The following FOXC1 variants were observed in gnomAD, a reference collection of about 807,000 sequenced individuals.
FOXC1 encodes forkhead box protein C1.
A neutral mutation model predicts 8.1 loss-of-function variants in FOXC1; 5 were observed. That is an observed-to-expected ratio of 0.62 (90% CI 0.32 to 1.30). The LOEUF (loss-of-function observed/expected upper bound fraction) is 1.30. FOXC1 is among the 50% of genes most tolerant of loss of function. The pLI, the probability that FOXC1 is intolerant of heterozygous loss-of-function variation, is 0.05. For synonymous variants in FOXC1, 552 were observed against 417.2 expected (o/e 1.32, Z -3.94); for missense variants, 942 against 858.0 (o/e 1.10, Z -1.22).
At position 1,611,385 on chromosome 6, in the gene FOXC1, A is replaced by G; in HGVS notation, c.940A>G (p.Met314Val). Residue 314 changes from methionine (M) to valine (V), a missense_variant, in exon 1 of 1, where the codon ATG becomes GTG. By Grantham distance (21) the Met-to-Val change is conservative. Coordinates refer to ENST00000645831, the MANE Select transcript of FOXC1 (RefSeq NM_001453.3). This position sits in a 1 kb window ranked among gnomAD's most constrained non-coding sequence, Gnocchi z 7.1. Reference protein sequence around the residue: ...HSQGFSVDNIMTSLRGSPQSA... With the variant: ...HSQGFSVDNIVTSLRGSPQSA... Reference sequence around the variant, plus strand: ...CCAGGGCTTCAGCGTGGACAACATCATGACGTCGCTGCGGGGGTCGCCGCA... The same window carrying G: ...CCAGGGCTTCAGCGTGGACAACATCGTGACGTCGCTGCGGGGGTCGCCGCA... 3.4e-6 allele frequency: 5 copies of G among 1,450,388 alleles called. No individual in the cohort carries two copies. The highest frequency in any genetic ancestry group is 4.5e-6 in the Non-Finnish European group (5 of 1,103,512). 89.8% of individuals were successfully genotyped at this position (1,450,388 alleles called of 1,614,324 possible). A position where few individuals can be genotyped will look rare whatever the true frequency, so the allele number is the denominator to read the frequency against.
rs757677458 is a variant in FOXC1, at chr6:1,612,483, C to T, written c.*376C>T. On this transcript the variant is annotated 3_prime_UTR_variant, in exon 1 of 1. Transcript: ENST00000645831. ...CCCTCCTCCCGTCTCCCCTCTCTTG[C>T]CTTCTTCCTTGCCTCTCACCTGTAA... 7.3e-6 allele frequency: 3 copies of T among 410,582 alleles called. No individual in the cohort carries two copies. The highest frequency in any genetic ancestry group is 1.4e-5 in the Non-Finnish European group (3 of 217,316). The allele number at this position is 410,582 out of a possible 1,614,324, so 25.4% of individuals were successfully genotyped here.
At position 1,612,445 on chromosome 6, in the gene FOXC1, G is replaced by C; in HGVS notation, c.*338G>C. 2.2e-6 allele frequency: 1 copy of C among 462,866 alleles called. No individual in the cohort carries two copies. Among genetic ancestry groups the C allele is most frequent in the Non-Finnish European group, 4.0e-6 (1 of 248,658 alleles). The allele number at this position is 462,866 out of a possible 1,614,324, so 28.7% of individuals were successfully genotyped here. A position where few individuals can be genotyped will look rare whatever the true frequency, so the allele number is the denominator to read the frequency against. Reference sequence around the variant, plus strand: ...CACGTAAGTTTCTTCTTGCTTTTCAGAGACCTGCTTTCCCCTCCTCCCGTC... The same window carrying C: ...CACGTAAGTTTCTTCTTGCTTTTCACAGACCTGCTTTCCCCTCCTCCCGTC... On this transcript the variant is annotated 3_prime_UTR_variant, in exon 1 of 1. Coordinates refer to ENST00000645831, the MANE Select transcript of FOXC1 (RefSeq NM_001453.3).
At position 1,612,250 on chromosome 6, in the gene FOXC1, C is replaced by G; in HGVS notation, c.*143C>G. Reference sequence around the variant, plus strand: ...TCACCACACCAGCGAACAGAATATCCCTCCAAAAATTCAGCTCACCAGCAC... The same window carrying G: ...TCACCACACCAGCGAACAGAATATCGCTCCAAAAATTCAGCTCACCAGCAC... On this transcript the variant is annotated 3_prime_UTR_variant, in exon 1 of 1. Transcript: ENST00000645831. 2.3e-6 allele frequency: 3 copies of G among 1,331,238 alleles called. No individual in the cohort carries two copies. Among genetic ancestry groups the G allele is most frequent in the Non-Finnish European group, 3.1e-6 (3 of 969,908 alleles). 82.5% of individuals were successfully genotyped at this position (1,331,238 alleles called of 1,614,324 possible).
chr6:1,613,482 C>G lies in FOXC1; in HGVS notation c.*1375C>G, dbSNP rs1284790010. ...TATTTTAGAAAATATGTTTGTAGAA[C>G]AATTATTTTTGAAAAAGATTTAAAG... On this transcript the variant is annotated 3_prime_UTR_variant, in exon 1 of 1. Transcript: ENST00000645831. The G allele has an allele frequency of 1.3e-5, 3 of 230,086 alleles. No individual in the cohort carries two copies. Among genetic ancestry groups the G allele is most frequent in the Non-Finnish European group, 2.8e-5 (3 of 107,272 alleles). The allele number at this position is 230,086 out of a possible 1,614,324, so 14.3% of individuals were successfully genotyped here. A position where few individuals can be genotyped will look rare whatever the true frequency, so the allele number is the denominator to read the frequency against.
At position 1,611,356 on chromosome 6, in the gene FOXC1, A is replaced by G; in HGVS notation, c.911A>G (p.His304Arg). The G allele has an allele frequency of 2.1e-6, 3 of 1,434,848 alleles. No homozygotes were observed. Among genetic ancestry groups the G allele is most frequent in the Non-Finnish European group, 2.7e-6 (3 of 1,094,034 alleles). 88.9% of individuals were successfully genotyped at this position (1,434,848 alleles called of 1,614,324 possible). ...GCGCCCTCCGCCCCGCCGCCGCACC[A>G]TAGCCAGGGCTTCAGCGTGGACAAC... ...PPAPSAPPPH[H>R]SQGFSVDNIM... Residue 304 changes from histidine to arginine, a missense_variant, in exon 1 of 1, where the codon CAT becomes CGT. Coordinates refer to ENST00000645831, the MANE Select transcript of FOXC1 (RefSeq NM_001453.3). The surrounding 1 kb of genome is among the most constrained non-coding windows in gnomAD (Gnocchi z 7.1).
rs767147260 is a variant in FOXC1, at chr6:1,610,721, G to A, written c.276G>A (p.Gln92=). ...TCGCGCTCATCACCATGGCCATCCA[G>A]AACGCCCCGGACAAGAAGATCACCC... ...SYIALITMAI[Q]NAPDKKITLN... is the part of the protein sequence containing the mutation. The change falls in exon 1 of 1, where the codon CAG becomes CAA. Residue 92 remains glutamine, a synonymous_variant. Coordinates refer to ENST00000645831, the MANE Select transcript of FOXC1 (RefSeq NM_001453.3). 1.2e-6 allele frequency: 2 copies of A among 1,614,016 alleles called. No individual in the cohort carries two copies. The highest frequency in any genetic ancestry group is 1.7e-5 in the Admixed American group (1 of 60,018).
chr6:1,610,429 G>C lies in FOXC1; in HGVS notation c.-17G>C. ...TGGGGGGCGGCGGGCGGCGCGGGGC[G>C]GCGGCGAGCGGGGGCCATGCAGGCG... On this transcript the variant is annotated 5_prime_UTR_variant, in exon 1 of 1. Transcript: ENST00000645831. The C allele has an allele frequency of 7.9e-7, 1 of 1,269,390 alleles. No homozygotes were observed. The highest frequency in any genetic ancestry group is 2.9e-5 in the South Asian group (1 of 35,046). The allele number at this position is 1,269,390 out of a possible 1,614,324, so 78.6% of individuals were successfully genotyped here.
Position 1,611,303 on chromosome 6 carries a change from C to A in FOXC1, c.858C>A (p.Asp286Glu). 7.1e-7 allele frequency: 1 copy of A among 1,414,442 alleles called. No individual in the cohort carries two copies. Among genetic ancestry groups the A allele is most frequent in the Non-Finnish European group, 9.2e-7 (1 of 1,083,808 alleles). The allele number at this position is 1,414,442 out of a possible 1,614,324, so 87.6% of individuals were successfully genotyped here. Residue 286 changes from aspartate to glutamate, a missense_variant, in exon 1 of 1, where the codon GAC (aspartate) becomes GAA (glutamate). By Grantham distance (45) the Asp-to-Glu change is conservative (BLOSUM62 2). Around this residue, in one of 4 missense-constraint regions of FOXC1, gnomAD observed 726 missense variants for 599.6 expected, o/e 1.21. Coordinates refer to ENST00000645831, the MANE Select transcript of FOXC1 (RefSeq NM_001453.3). The surrounding 1 kb of genome is among the most constrained non-coding windows in gnomAD (Gnocchi z 7.1). Reference sequence around the variant, plus strand: ...CGTCGGCGCGGCCGCTCAGCCTGGACGGTGCGGATTCCGCGCCGCCGCCGC... The same window carrying A: ...CGTCGGCGCGGCCGCTCAGCCTGGAAGGTGCGGATTCCGCGCCGCCGCCGC... ...SLPSARPLSL[D>E]GADSAPPPPA...
Position 1,612,172 on chromosome 6 carries a change from C to T in FOXC1, c.*65C>T. 6.2e-7 allele frequency: 1 copy of T among 1,600,382 alleles called. No individual in the cohort carries two copies. Among genetic ancestry groups the T allele is most frequent in the Non-Finnish European group, 8.5e-7 (1 of 1,175,368 alleles). Reference sequence around the variant, plus strand: ...GAAAAGCTAAAGGAACCCATCAAGGCAAAATCGAAACTAAAAAAAAAAAAT... The same window carrying T: ...GAAAAGCTAAAGGAACCCATCAAGGTAAAATCGAAACTAAAAAAAAAAAAT... On this transcript the variant is annotated 3_prime_UTR_variant, in exon 1 of 1. Transcript: ENST00000645831.
At position 1,613,567 on chromosome 6, in the gene FOXC1, A is replaced by C. The variant is rs935089761; in HGVS notation, c.*1460A>C. Reference sequence around the variant, plus strand: ...TTTTGGTCTAGGGTGGTTTCTTTTTAAACCATTTTTTCTTGTTAATTTACA... The same window carrying C: ...TTTTGGTCTAGGGTGGTTTCTTTTTCAACCATTTTTTCTTGTTAATTTACA... On this transcript the variant is annotated 3_prime_UTR_variant, in exon 1 of 1. Coordinates refer to ENST00000645831, the MANE Select transcript of FOXC1 (RefSeq NM_001453.3). The C allele has an allele frequency of 8.9e-6, 2 of 224,926 alleles. No individual in the cohort carries two copies. Among genetic ancestry groups the C allele is most frequent in the African/African-American group, 4.5e-5 (2 of 44,044 alleles). 13.9% of individuals were successfully genotyped at this position (224,926 alleles called of 1,614,324 possible).
At position 1,611,882 on chromosome 6, in the gene FOXC1, C is replaced by G. The variant is rs1191749991; in HGVS notation, c.1437C>G (p.Gly479=). 2 of 1,540,636 alleles carry G rather than the reference C, an allele frequency of 1.3e-6. No homozygotes were observed. The highest frequency in any genetic ancestry group is 2.8e-5 in the African/African-American group (2 of 71,088). The part of the protein sequence containing the change: ...RLTSWYLNQA[G]GDLGHLASAA... ...CCTCGTGGTACCTGAACCAGGCGGGCGGAGACCTGGGCCACTTGGCGAGCG... is the reference window on the plus strand; with the variant it reads ...CCTCGTGGTACCTGAACCAGGCGGGGGGAGACCTGGGCCACTTGGCGAGCG... The change falls in exon 1 of 1, where the codon GGC becomes GGG. Residue 479 remains glycine (G), a synonymous_variant. Transcript: ENST00000645831. The surrounding 1 kb of genome is among the most constrained non-coding windows in gnomAD (Gnocchi z 7.1).
chr6:1,611,353 A>G lies in FOXC1; in HGVS notation c.908A>G (p.His303Arg). Residue 303 changes from histidine to arginine, a missense_variant, in exon 1 of 1, where the codon CAC becomes CGC. Coordinates refer to ENST00000645831, the MANE Select transcript of FOXC1 (RefSeq NM_001453.3). The surrounding 1 kb of genome is among the most constrained non-coding windows in gnomAD (Gnocchi z 7.1). Reference protein sequence around the residue: ...PPPAPSAPPPHHSQGFSVDNI... With the variant: ...PPPAPSAPPPRHSQGFSVDNI... ...CCCGCGCCCTCCGCCCCGCCGCCGC[A>G]CCATAGCCAGGGCTTCAGCGTGGAC... The G allele has an allele frequency of 7.0e-7, 1 of 1,432,382 alleles. No homozygotes were observed. The highest frequency in any genetic ancestry group is 3.2e-5 in the East Asian group (1 of 31,044). The allele number at this position is 1,432,382 out of a possible 1,614,324, so 88.7% of individuals were successfully genotyped here. A position where few individuals can be genotyped will look rare whatever the true frequency, so the allele number is the denominator to read the frequency against.
chr6:1,610,979 C>G lies in FOXC1; in HGVS notation c.534C>G (p.Asp178Glu). The change falls in exon 1 of 1, where the codon GAC (aspartate) becomes GAG (glutamate). Residue 178 changes from aspartate (D) to glutamate (E), a missense_variant. Physicochemically the swap from Asp to Glu is conservative, Grantham distance 45 (BLOSUM62 2). Around this residue, in one of 4 missense-constraint regions of FOXC1, gnomAD observed 726 missense variants for 599.6 expected, o/e 1.21. Coordinates refer to ENST00000645831, the MANE Select transcript of FOXC1 (RefSeq NM_001453.3). ...GGCGGCGGCGCTTCAAGAAGAAGGA[C>G]GCGGTGAAGGACAAGGAGGAGAAGG... Reference protein sequence around the residue: ...LRRRRRFKKKDAVKDKEEKDR... With the variant: ...LRRRRRFKKKEAVKDKEEKDR... 1 of 1,612,968 alleles carries G rather than the reference C, an allele frequency of 6.2e-7. No homozygotes were observed. The highest frequency in any genetic ancestry group is 1.1e-5 in the South Asian group (1 of 91,058).
Position 1,609,976 on chromosome 6 carries a change from A to G in FOXC1, c.-470A>G, listed in dbSNP as rs1288428608. The G allele has an allele frequency of 6.6e-6, 1 of 150,952 alleles. No individual in the cohort carries two copies. The highest frequency in any genetic ancestry group is 2.0e-4 in the East Asian group (1 of 5,092). 9.4% of individuals were successfully genotyped at this position (150,952 alleles called of 1,614,324 possible). On this transcript the variant is annotated 5_prime_UTR_variant, in exon 1 of 1. Coordinates refer to ENST00000645831, the MANE Select transcript of FOXC1 (RefSeq NM_001453.3). ...AGCGGCTGGCGCGCGAGAGACCGAG[A>G]AAAGGTGACGCGGGGCCCGGGCAGG... is the stretch of plus-strand genomic sequence containing the variant.
rs1238527932 is a variant in FOXC1 at position 1,613,164 on chromosome 6, A to T, written c.*1057A>T. The T allele has an allele frequency of 4.1e-6, 1 of 241,642 alleles. No homozygotes were observed. The highest frequency in any genetic ancestry group is 2.2e-5 in the African/African-American group (1 of 44,988). The allele number at this position is 241,642 out of a possible 1,614,324, so 15.0% of individuals were successfully genotyped here. A position where few individuals can be genotyped will look rare whatever the true frequency, so the allele number is the denominator to read the frequency against. On this transcript the variant is annotated 3_prime_UTR_variant, in exon 1 of 1. Coordinates refer to ENST00000645831, the MANE Select transcript of FOXC1 (RefSeq NM_001453.3). ...CCCATGAATCAGCCGCGGTCTTACCACGGTGATGCCTGTGTGCCGAGAGAT... is the reference window on the plus strand; with the variant it reads ...CCCATGAATCAGCCGCGGTCTTACCTCGGTGATGCCTGTGTGCCGAGAGAT...
rs1762572436 is a variant in FOXC1, at chr6:1,612,290, C to G, written c.*183C>G. The G allele has an allele frequency of 2.2e-6, 2 of 889,508 alleles. No homozygotes were observed. Among genetic ancestry groups the G allele is most frequent in the Admixed American group, 2.8e-5 (1 of 36,354 alleles). The allele number at this position is 889,508 out of a possible 1,614,324, so 55.1% of individuals were successfully genotyped here. A position where few individuals can be genotyped will look rare whatever the true frequency, so the allele number is the denominator to read the frequency against. ...CTCACCAGCACCAGCACGAAGAAAA[C>G]TCTATTTTCTTAACCGATTAATTCA... On this transcript the variant is annotated 3_prime_UTR_variant, in exon 1 of 1. Coordinates refer to ENST00000645831, the MANE Select transcript of FOXC1 (RefSeq NM_001453.3).
Position 1,610,500 on chromosome 6 carries a change from C to G in FOXC1, c.55C>G (p.Leu19Val). 6.6e-7 allele frequency: 1 copy of G among 1,506,250 alleles called. No individual in the cohort carries two copies. The highest frequency in any genetic ancestry group is 8.9e-7 in the Non-Finnish European group (1 of 1,129,140). 93.3% of individuals were successfully genotyped at this position (1,506,250 alleles called of 1,614,324 possible). ...SPNSLGVVPY[L>V]GGEQSYYRAA... Reference sequence around the variant, plus strand: ...CAACTCCCTGGGAGTGGTGCCCTACCTCGGCGGCGAGCAGAGCTACTACCG... The same window carrying G: ...CAACTCCCTGGGAGTGGTGCCCTACGTCGGCGGCGAGCAGAGCTACTACCG... The change falls in exon 1 of 1, where the codon CTC becomes GTC. Residue 19 changes from leucine to valine, a missense_variant. Around this residue, in one of 4 missense-constraint regions of FOXC1, gnomAD observed 190 missense variants for 176.8 expected, o/e 1.07. Transcript: ENST00000645831.
In FOXC1 at chr6:1,611,742, C is replaced by G. The variant is rs967488377; in HGVS notation, c.1297C>G (p.Leu433Val). 4 of 1,471,504 alleles carry G rather than the reference C, an allele frequency of 2.7e-6. No homozygotes were observed. In the East Asian group the frequency reaches 8.8e-5, roughly 32 times the overall value. 91.2% of individuals were successfully genotyped at this position (1,471,504 alleles called of 1,614,324 possible). ...AVDDPLPDYS[L>V]PPVTSSSSSS... ...GGACGACCCCCTGCCCGACTACTCT[C>G]TGCCTCCGGTCACCAGCAGCAGCTC... The change falls in exon 1 of 1, where the codon CTG becomes GTG. Residue 433 changes from leucine to valine, a missense_variant. This residue lies in a region of FOXC1 where 726 missense variants were observed against 599.6 expected (regional missense o/e 1.21). Transcript: ENST00000645831. This position sits in a 1 kb window ranked among gnomAD's most constrained non-coding sequence, Gnocchi z 7.1.
chr6:1,610,919 C>T lies in FOXC1; in HGVS notation c.474C>T (p.Ser158=), dbSNP rs369346224. ...KGSYWTLDPD[S]YNMFENGSFL... ...GCTACTGGACGCTGGACCCGGACTC[C>T]TACAACATGTTCGAGAACGGCAGCT... The change falls in exon 1 of 1, where the codon TCC becomes TCT. Residue 158 remains serine, a synonymous_variant. Transcript: ENST00000645831. 74 of 1,613,986 alleles carry T rather than the reference C, an allele frequency of 4.6e-5. No individual in the cohort carries two copies. The South Asian group carries it at 4.8e-4, about 11-fold the overall frequency.
Sources: gnomAD v4.1 joint callset for allele counts on GRCh38, gnomAD v4.1.1 for gene constraint, gnomAD v4.1.1 regional missense constraint, Gnocchi (gnomAD v3.1) non-coding constraint, MANE v1.5 for transcripts, NCBI Gene and HGNC (gene_info 2026-07-23, HGNC 2026-07-21) for gene names.